Variants in CLEC4F observed in about 807,000 individuals in gnomAD.
CLEC4F encodes C-type lectin domain family 4 member F.
A neutral mutation model predicts 53.4 loss-of-function variants in CLEC4F; 45 were observed. The observed-to-expected ratio is 0.84, with a 90% CI of 0.66 to 1.08. CLEC4F has a LOEUF of 1.08. CLEC4F is among the 50% of genes least tolerant of loss of function. CLEC4F has a pLI of 0.00. For synonymous variants in CLEC4F, 245 were observed against 257.5 expected (o/e 0.95, Z 0.46); for missense variants, 753 against 698.2 (o/e 1.08, Z -0.88).
At chr2:70,817,354 AT>A (rs1443629292) in intron 3 of CLEC4F, among the ~76,000 whole-genome samples, 1 of 152,198 alleles carries the variant, frequency 6.6e-6, no homozygotes, top group Non-Finnish European at 1.5e-5. Flanking sequence ...GGTCAGAAGG[AT>A]TGAAATGCTT....
chr2:70,812,694 T>C, intron 4 of CLEC4F, 96 bp from the exon 5 acceptor site: 2 of 1,262,004 alleles, frequency 1.6e-6, no homozygotes, highest in Non-Finnish European at 2.2e-6. Context: ...CCCACTGAGG[T>C]TCACAAGCCC....
intron 4 of CLEC4F, among the ~76,000 whole-genome samples, chr2:70,814,954 G>A (rs1238412491): frequency 6.6e-6 from 1 of 152,104 alleles, no homozygotes; most frequent in African/African-American, 2.4e-5. Flanking sequence ...CCCAGCTAAA[G>A]CAGCAGTGAG....
At chr2:70,811,589 C>T (rs532662193) in intron 5 of CLEC4F, 1 of 309,682 alleles carries the variant, frequency 3.2e-6, no homozygotes, top group Non-Finnish European at 6.3e-6. Context: ...GGCAGTTCTG[C>T]AAGTCAAATT....
At position 70,812,433 on chromosome 2, in the gene CLEC4F, C is replaced by T; in HGVS notation, c.1539+14G>A. 1.2e-6 allele frequency: 2 copies of T among 1,612,566 alleles called. No homozygotes were observed. The highest frequency in any genetic ancestry group is 1.7e-6 in the Non-Finnish European group (2 of 1,179,676). ...CCAATTCCACCAACAACACCCCATG[C>T]TCGCAGCTCTGACCTGCTCCTCCTT... On this transcript the variant is annotated intron_variant, in intron 5 of 6. Coordinates refer to ENST00000272367, the MANE Select transcript of CLEC4F (RefSeq NM_173535.3).
rs1676455114 is a variant in CLEC4F at position 70,809,856 on chromosome 2, G to A, written c.1541C>T (p.Ala514Val). The change falls in exon 6 of 7, where the codon GCA becomes GTA. Residue 514 changes from alanine to valine, a missense_variant and splice_region_variant. Ala to Val is a moderately conservative substitution (Grantham distance 64). Coordinates refer to ENST00000272367, the MANE Select transcript of CLEC4F (RefSeq NM_173535.3). ...LASVASKEEQ[A>V]FLVEFTSKVY... is the part of the protein sequence containing the mutation. ...TTTACTTGTGAACTCTACCAGAAAT[G>A]CCTGCAGAGAAAAGGCAGTGTCAGT... 1.2e-6 allele frequency: 2 copies of A among 1,608,568 alleles called. No homozygotes were observed. The highest frequency in any genetic ancestry group is 1.1e-5 in the South Asian group (1 of 90,992).
intron 3 of CLEC4F, among the ~76,000 whole-genome samples, 167 bp downstream of exon 3, chr2:70,819,187 CA>C (rs1199324714): frequency 6.6e-6 from 1 of 152,106 alleles, no homozygotes. Flanking sequence ...TAAATATATA[CA>C]CCATTAGACC....
At chr2:70,814,622 G>T (rs1676791529) in intron 4 of CLEC4F, among the ~76,000 whole-genome samples, 1 of 152,152 alleles carries the variant, frequency 6.6e-6, no homozygotes, top group Non-Finnish European at 1.5e-5. Context: ...ATTTTATTAT[G>T]AGCGTAGCCA....
intron 3 of CLEC4F, among the ~76,000 whole-genome samples, chr2:70,817,743 A>G (rs1677000747): frequency 6.6e-6 from 1 of 152,190 alleles, no homozygotes; most frequent in Non-Finnish European, 1.5e-5. Context: ...CAGGGCTATG[A>G]TAGAGGCATG....
At chr2:70,809,629 C>T (rs1321444195) in intron 6 of CLEC4F, 110 bp downstream of exon 6, 2 of 777,868 alleles carry the variant, frequency 2.6e-6, no homozygotes, top group African/African-American at 3.3e-5. Context: ...ACACACGTCA[C>T]ACACACATAT....
At chr2:70,809,637 T>C in intron 6 of CLEC4F, 102 bp downstream of exon 6, 3 of 939,440 alleles carry the variant, frequency 3.2e-6, no homozygotes, top group Non-Finnish European at 5.2e-6. Context: ...CACACACACA[T>C]ATACACACAA....
Position 70,809,138 on chromosome 2 carries a change from G to A in CLEC4F, c.*133C>T, listed in dbSNP as rs60744039. The A allele has an allele frequency of 3.4e-3, 5,273 of 1,551,896 alleles. 148 individuals are homozygous for A. The African/African-American group carries it at 0.064, about 19-fold the overall frequency. ...AGGCAGCATCCCTTCCTGGTGCTGT[G>A]GCTCCTAGGGAGCTGACATGGGATG... On this transcript the variant is annotated 3_prime_UTR_variant, in exon 7 of 7. Transcript: ENST00000272367.
At chr2:70,810,618 CAAAA>C (rs58138583) in intron 5 of CLEC4F, among the ~76,000 whole-genome samples, 5,028 of 48,702 alleles carry the variant, frequency 0.1, 180 homozygotes, top group East Asian at 0.36. Context: ...AACTCTGTCG[CAAAA>C]AAAAAAAAAA....
At chr2:70,824,693 C>T (rs538575295), upstream of CLEC4F, among the ~76,000 whole-genome samples, 5 of 146,270 alleles carry the variant, frequency 3.4e-5, no homozygotes, top group South Asian at 1.1e-3. Context: ...GAAGGAGCTC[C>T]CAATGGCCAA....
chr2:70,812,678 G>A, intron 4 of CLEC4F, 80 bp from the exon 5 acceptor site: 15 of 1,445,884 alleles, frequency 1.0e-5, no homozygotes, highest in Non-Finnish European at 1.4e-5. Context: ...ACCTCTCTAG[G>A]GCCTGCCCAC....
chr2:70,821,705 G>A (rs116261497), upstream of CLEC4F, among the ~76,000 whole-genome samples: 1,342 of 152,246 alleles, frequency 8.8e-3, 25 homozygotes, highest in African/African-American at 0.03. Context: ...AAAACTGAGA[G>A]GTTGTTGCAG....
At chr2:70,819,160 T>C (rs916835886) in intron 3 of CLEC4F, among the ~76,000 whole-genome samples, 195 bp downstream of exon 3, 7 of 152,138 alleles carry the variant, frequency 4.6e-5, no homozygotes, top group Non-Finnish European at 7.4e-5. Context: ...TGTCAAAACT[T>C]AACAGATTGT....
At chr2:70,810,292 T>A (rs1676475673) in intron 5 of CLEC4F, among the ~76,000 whole-genome samples, 1 of 152,174 alleles carries the variant, frequency 6.6e-6, no homozygotes, top group Non-Finnish European at 1.5e-5. Flanking sequence ...GCCACACTGA[T>A]GAATATACAG....
intron 4 of CLEC4F, among the ~76,000 whole-genome samples, chr2:70,813,643 C>CTTTT (rs1676734930): frequency 1.7e-5 from 2 of 116,066 alleles, no homozygotes; most frequent in African/African-American, 3.3e-5. Context: ...TTCTTTCTTT[C>CTTTT]GCTCTCTCTC....
chr2:70,811,368 G>A, intron 5 of CLEC4F: 1 of 840,770 alleles, frequency 1.2e-6, no homozygotes, highest in Non-Finnish European at 2.0e-6. Flanking sequence ...AGCAGCTAGT[G>A]TACTGTCCAT....
Sources: gnomAD v4.1 joint callset for allele counts (sites outside exome capture counted in the v4.1 genomes callset) on GRCh38, gnomAD v4.1.1 for gene constraint, MANE v1.5 for transcripts, NCBI Gene and HGNC (gene_info 2026-07-23, HGNC 2026-07-21) for gene names.